Variants in SLC25A26 observed in about 807,000 individuals in gnomAD.
SLC25A26 encodes the protein mitochondrial S-adenosylmethionine carrier protein.
SLC25A26 carries 36 observed loss-of-function variants against 37.8 expected under a neutral mutation model. The ratio of observed to expected loss-of-function variants is 0.95; its 90% CI spans 0.73 to 1.26. The LOEUF is 1.26. Among genes scored for constraint, SLC25A26 ranks in the 50% most tolerant of loss-of-function variants. The probability of loss-of-function intolerance (pLI) is 0.00; values close to 1 mark genes in which losing one functional copy is unlikely to be tolerated. For synonymous variants in SLC25A26, 129 were observed against 122.5 expected, an observed-to-expected ratio of 1.05 and a Z score of -0.35; for missense variants, 390 against 331.1, an observed-to-expected ratio of 1.18 and a Z score of -1.38.
rs990839658 is a variant in SLC25A26, at chr3:66,346,728, G to C, written c.498+320G>C. On this transcript the variant is annotated intron_variant, in intron 6 of 9. Transcript: ENST00000354883. ...TTTTGCTGTGTGCGTGTGTGTGTGT[G>C]TGTGTGTGTGTGTGTGTGTGTGTGT... is the stretch of plus-strand genomic sequence containing the variant. 4.2e-4 allele frequency among the ~76,000 whole-genome samples: 56 copies of C among 132,050 alleles called. No individual in the cohort carries two copies. In the South Asian group the frequency reaches 0.012, roughly 27 times the overall value. The allele number at this position is 132,050 out of a possible 152,430, so 86.6% of individuals were successfully genotyped here.
In SLC25A26 at chr3:66,377,995, A is replaced by C. The variant is rs1470949263; in HGVS notation, c.*188A>C. On this transcript the variant is annotated 3_prime_UTR_variant, in exon 10 of 10. Transcript: ENST00000354883. ...ATGAAGTCATTGGCCTGTATGCCAG[A>C]GAGCTAAGAGAAGAAAACGGGGTCT... 2 of 528,322 alleles carry C rather than the reference A, an allele frequency of 3.8e-6. No homozygotes were observed. The highest frequency in any genetic ancestry group is 6.7e-6 in the Non-Finnish European group (2 of 296,358). The allele number at this position is 528,322 out of a possible 1,614,324, so 32.7% of individuals were successfully genotyped here.
At chr3:66,338,388 C>T (rs928883568) in intron 5 of SLC25A26, among the ~76,000 whole-genome samples, 1 of 151,964 alleles carries the variant, frequency 6.6e-6, no homozygotes, top group Non-Finnish European at 1.5e-5. Context: ...CAAAGTTGTA[C>T]GTTCCCACTA....
At chr3:66,229,746 T>G (rs2071923643) in intron 1 of SLC25A26, among the ~76,000 whole-genome samples, 1 of 152,212 alleles carries the variant, frequency 6.6e-6, no homozygotes, top group African/African-American at 2.4e-5. Context: ...TAAATCTGTT[T>G]GATGGCAAAG....
intron 1 of SLC25A26, among the ~76,000 whole-genome samples, chr3:66,171,466 G>A (rs559205751): frequency 1.3e-5 from 2 of 152,092 alleles, no homozygotes; most frequent in Admixed American, 6.6e-5. Context: ...ATGTTCTATT[G>A]CTTGCAATGA....
chr3:66,173,283 T>G (rs777472763), intron 1 of SLC25A26, among the ~76,000 whole-genome samples: 1 of 152,166 alleles, frequency 6.6e-6, no homozygotes, highest in African/African-American at 2.4e-5. Flanking sequence ...GTCACATGCT[T>G]TCCCCGGGAG....
intron 6 of SLC25A26, among the ~76,000 whole-genome samples, chr3:66,362,561 T>C (rs2076734735): frequency 6.6e-6 from 1 of 152,204 alleles, no homozygotes; most frequent in Non-Finnish European, 1.5e-5. Flanking sequence ...AGAAAACTTG[T>C]GGGTCATGAG....
intron 1 of SLC25A26, among the ~76,000 whole-genome samples, chr3:66,226,801 A>C (rs149635313): frequency 6.6e-6 from 1 of 151,640 alleles, no homozygotes; most frequent in East Asian, 1.9e-4. Context: ...TTTTTGTAGA[A>C]AGAGGTGTCA....
At chr3:66,156,919 C>A (rs1462200966) in intron 1 of SLC25A26, among the ~76,000 whole-genome samples, 1 of 152,098 alleles carries the variant, frequency 6.6e-6, no homozygotes, top group Non-Finnish European at 1.5e-5. Flanking sequence ...AACTTCAGGG[C>A]AGTTCCGTCA....
At chr3:66,141,586 C>T (rs2070034841) in intron 1 of SLC25A26, among the ~76,000 whole-genome samples, 1 of 151,650 alleles carries the variant, frequency 6.6e-6, no homozygotes, top group African/African-American at 2.4e-5. Flanking sequence ...GATCTTGGCT[C>T]CCTGCAGCCT....
intron 1 of SLC25A26, among the ~76,000 whole-genome samples, chr3:66,211,680 A>G (rs905882383): frequency 2.0e-5 from 3 of 152,234 alleles, no homozygotes; most frequent in Non-Finnish European, 4.4e-5. Context: ...AAGTAAGAAC[A>G]TTGCATATGT....
upstream of SLC25A26, among the ~76,000 whole-genome samples, chr3:66,219,814 T>A (rs1431538482): frequency 6.6e-6 from 1 of 152,162 alleles, no homozygotes. Context: ...AGAACTTGAG[T>A]GCATTATCTC....
chr3:66,199,073 C>G (rs1447942525), intron 1 of SLC25A26, among the ~76,000 whole-genome samples: 1 of 151,954 alleles, frequency 6.6e-6, no homozygotes, highest in Non-Finnish European at 1.5e-5. Flanking sequence ...TTCTCATGAT[C>G]CTTACCCTCA....
At chr3:66,335,828 A>G (rs189851862) in intron 5 of SLC25A26, among the ~76,000 whole-genome samples, 112 of 152,220 alleles carry the variant, frequency 7.4e-4, no homozygotes, top group Non-Finnish European at 1.1e-3. Flanking sequence ...CCTGGTTGCC[A>G]TCTTTTGTTA....
chr3:66,306,060 C>G (rs1015908216), intron 5 of SLC25A26, among the ~76,000 whole-genome samples: 1 of 152,118 alleles, frequency 6.6e-6, no homozygotes, highest in African/African-American at 2.4e-5. Flanking sequence ...ACATGACTCA[C>G]TTTAACCTCT....
intron 5 of SLC25A26, among the ~76,000 whole-genome samples, chr3:66,340,849 G>T (rs944846372): frequency 1.3e-4 from 19 of 151,542 alleles, no homozygotes; most frequent in African/African-American, 4.4e-4. Context: ...GTAACTTTTT[G>T]ACTCAGGTTT....
At chr3:66,338,158 A>G (rs2076132515) in intron 5 of SLC25A26, among the ~76,000 whole-genome samples, 1 of 151,976 alleles carries the variant, frequency 6.6e-6, no homozygotes, top group African/African-American at 2.4e-5. Context: ...AGGGTTGTCC[A>G]TGTTACAGCA....
intron 3 of SLC25A26, among the ~76,000 whole-genome samples, chr3:66,244,976 C>CA (rs1314953256): frequency 2.6e-5 from 4 of 151,244 alleles, no homozygotes; most frequent in Non-Finnish European, 4.4e-5. Context: ...GACTCTGTCT[C>CA]AAAAAAACAA....
chr3:66,136,216 G>GGAC (rs1274166324), intron 1 of SLC25A26, among the ~76,000 whole-genome samples: 1 of 152,030 alleles, frequency 6.6e-6, no homozygotes, highest in Non-Finnish European at 1.5e-5. Flanking sequence ...ATCTGCTGTT[G>GGAC]GACTTCTCCT....
At chr3:66,326,259 G>C (rs534082887) in intron 5 of SLC25A26, among the ~76,000 whole-genome samples, 1 of 152,110 alleles carries the variant, frequency 6.6e-6, no homozygotes, top group Non-Finnish European at 1.5e-5. Flanking sequence ...TACCCAAATC[G>C]AAAGGATATT....
Sources: allele counts gnomAD v4.1 joint callset (sites outside exome capture counted in the v4.1 genomes callset), GRCh38; gene constraint gnomAD v4.1.1; transcripts MANE v1.5; gene names NCBI Gene and HGNC (gene_info 2026-07-23, HGNC 2026-07-21).